ATP6V0A1: variants seen among roughly 807,000 people sequenced by gnomAD.
ATP6V0A1 encodes the protein ATPase H+ transporting V0 subunit a1, also known as V-type proton ATPase 116 kDa subunit a 1.
ATP6V0A1 carries 43 observed loss-of-function variants against 105.4 expected under a neutral mutation model. The ratio of observed to expected loss-of-function variants is 0.41; its 90% confidence interval spans 0.32 to 0.53. ATP6V0A1 has a LOEUF of 0.53. Among genes scored for constraint, ATP6V0A1 ranks in the 20% least tolerant of loss-of-function variants. The probability of loss-of-function intolerance (pLI) is 0.30; values close to 1 mark genes in which losing one functional copy is unlikely to be tolerated. For missense variants in ATP6V0A1, 676 were observed against 1,051.1 expected (o/e 0.64, Z 4.93); for synonymous variants, 362 against 372.8 (o/e 0.97, Z 0.33).
intron 5 of ATP6V0A1, 100 bp from the exon 6 acceptor site, chr17:42,477,560 C>T: frequency 1.6e-6 from 2 of 1,213,312 alleles, no homozygotes; most frequent in Non-Finnish European, 2.3e-6. Context: ...TCCTTATTTT[C>T]TGAACCTGTC....
At chr17:42,502,496 GCACACA>G (rs368754662) in intron 17 of ATP6V0A1, among the ~76,000 whole-genome samples, 1 of 150,218 alleles carries the variant, frequency 6.7e-6, no homozygotes, top group African/African-American at 2.4e-5. Context: ...TTCTGCGCGC[GCACACA>G]CACACACACA....
At chr17:42,506,776 C>T (rs1026900294) in intron 17 of ATP6V0A1, among the ~76,000 whole-genome samples, 4 of 152,118 alleles carry the variant, frequency 2.6e-5, no homozygotes, top group African/African-American at 9.7e-5. Context: ...ACTTTAAAAT[C>T]TACTTTTGGA....
intron 11 of ATP6V0A1, among the ~76,000 whole-genome samples, chr17:42,493,802 A>T (rs968454819): frequency 5.3e-5 from 8 of 152,148 alleles, no homozygotes; most frequent in Non-Finnish European, 1.0e-4. Context: ...TGGCAGAGAA[A>T]GACCCCATCT....
chr17:42,501,488 C>G (rs1207816138), intron 17 of ATP6V0A1, among the ~76,000 whole-genome samples, 184 bp downstream of exon 17: 1 of 152,038 alleles, frequency 6.6e-6, no homozygotes, highest in Admixed American at 6.5e-5. Flanking sequence ...GATCTTGGCT[C>G]ACTGCAACCT....
At chr17:42,519,487 T>A in intron 21 of ATP6V0A1, 1 of 152,360 alleles carries the variant, frequency 6.6e-6, no homozygotes. Context: ...TAAATCTCGT[T>A]TCAGCTGTTC....
chr17:42,469,421 C>G (rs1341341906), intron 4 of ATP6V0A1, among the ~76,000 whole-genome samples: 1 of 151,162 alleles, frequency 6.6e-6, no homozygotes, highest in Non-Finnish European at 1.5e-5. Context: ...ACCTCCGCCT[C>G]CCGGGTTCAA....
Position 42,507,616 on chromosome 17 carries a change from G to A in ATP6V0A1, c.2101G>A (p.Asp701Asn). ...QHDQLSTHSE[D>N]ADEPSEDEVF... ...TGACCAGCTCTCCACCCACTCAGAGGACGCAGACGAGGTAAGATCCCGTGG... is the reference window on the plus strand; with the variant it reads ...TGACCAGCTCTCCACCCACTCAGAGAACGCAGACGAGGTAAGATCCCGTGG... The change falls in exon 18 of 22, where the codon GAC becomes AAC. Residue 701 changes from aspartate (D) to asparagine (N), a missense_variant. By Grantham distance (23) the Asp-to-Asn change is conservative. Coordinates refer to ENST00000343619, the MANE Select transcript of ATP6V0A1 (RefSeq NM_001130021.3). 1 of 1,613,866 alleles carries A rather than the reference G, an allele frequency of 6.2e-7. No individual in the cohort carries two copies. Among genetic ancestry groups the A allele is most frequent in the Non-Finnish European group, 8.5e-7 (1 of 1,179,860 alleles).
intron 5 of ATP6V0A1, among the ~76,000 whole-genome samples, chr17:42,477,144 G>T (rs972930296): frequency 6.6e-5 from 10 of 152,168 alleles, no homozygotes; most frequent in Non-Finnish European, 1.2e-4. Context: ...TTCTTCCTTG[G>T]AAAGAGAGCC....
chr17:42,507,236 G>A (rs917919314), intron 17 of ATP6V0A1: 2 of 315,206 alleles, frequency 6.3e-6, no homozygotes, highest in Non-Finnish European at 1.2e-5. Flanking sequence ...CTCAATTAGT[G>A]TTGACCCAGG....
intron 13 of ATP6V0A1, 47 bp from the exon 14 acceptor site, chr17:42,495,579 T>G (rs1308301432): frequency 6.8e-7 from 1 of 1,463,778 alleles, no homozygotes; most frequent in South Asian, 1.1e-5. Flanking sequence ...CCTTGTTGTT[T>G]CCCTCTCTTG....
chr17:42,514,157 T>C (rs1361863934), intron 20 of ATP6V0A1, 132 bp from the exon 21 acceptor site: 2 of 1,323,920 alleles, frequency 1.5e-6, no homozygotes, highest in Admixed American at 2.1e-5. Context: ...TAGCTCTGCA[T>C]GGTGGTCCCA....
At chr17:42,491,035 A>T (rs2090573976) in intron 11 of ATP6V0A1, among the ~76,000 whole-genome samples, 1 of 150,702 alleles carries the variant, frequency 6.6e-6, no homozygotes, top group Admixed American at 6.6e-5. Context: ...AATTTTTAAA[A>T]TTTTTTTAGA....
chr17:42,513,693 G>A (rs1303790858), intron 19 of ATP6V0A1, 168 bp from the exon 20 acceptor site: 2 of 660,746 alleles, frequency 3.0e-6, no homozygotes, highest in Middle Eastern at 3.8e-4. Flanking sequence ...ATCACCACCT[G>A]AGCTCAACAC....
chr17:42,519,110 A>C (rs1567878546), intron 21 of ATP6V0A1: 1 of 152,354 alleles, frequency 6.6e-6, no homozygotes, highest in Admixed American at 6.5e-5. Context: ...AGTATTGGGC[A>C]GTATGTCAGG....
At position 42,494,390 on chromosome 17, in the gene ATP6V0A1, G is replaced by A. The variant is rs1189944326; in HGVS notation, c.1231G>A (p.Gly411Ser). The change falls in exon 12 of 22, where the codon GGT becomes AGT. Residue 411 changes from glycine to serine, a missense_variant. Gly to Ser is a moderately conservative substitution (Grantham distance 56). Around this residue, in one of 3 missense-constraint regions of ATP6V0A1, gnomAD observed 435 missense variants for 642.2 expected, o/e 0.68. Coordinates refer to ENST00000343619, the MANE Select transcript of ATP6V0A1 (RefSeq NM_001130021.3). ...FLFAVMFGDF[G>S]HGILMTLFAV... ...ATTTGCTGTGATGTTTGGAGACTTC[G>A]GTCATGGCATTTTAATGACCCTTTT... The A allele has an allele frequency of 3.1e-6, 5 of 1,613,374 alleles. No individual in the cohort carries two copies. Among genetic ancestry groups the A allele is most frequent in the East Asian group, 2.2e-5 (1 of 44,886 alleles).
At chr17:42,508,711 C>T in intron 19 of ATP6V0A1, 122 bp downstream of exon 19, 2 of 1,352,862 alleles carry the variant, frequency 1.5e-6, no homozygotes, top group Admixed American at 1.8e-5. Flanking sequence ...GCCTCTGCAT[C>T]TCACTGGCCA....
At chr17:42,465,274 G>A (rs1013729909) in intron 2 of ATP6V0A1, among the ~76,000 whole-genome samples, 6 of 151,050 alleles carry the variant, frequency 4.0e-5, no homozygotes, top group South Asian at 2.1e-4. Context: ...GATTATAGGC[G>A]TGAGCCACCG....
chr17:42,484,164 TCTC>T (rs2089862249), intron 9 of ATP6V0A1, among the ~76,000 whole-genome samples: 1 of 151,832 alleles, frequency 6.6e-6, no homozygotes, highest in Non-Finnish European at 1.5e-5. Flanking sequence ...TTCACGCCAT[TCTC>T]CTGCCTCAGC....
Position 42,468,090 on chromosome 17 carries a change from G to C in ATP6V0A1, c.277G>C (p.Asp93His). The C allele has an allele frequency of 6.3e-7, 1 of 1,595,160 alleles. No individual in the cohort carries two copies. The change falls in exon 4 of 22, where the codon GAC becomes CAC. Residue 93 changes from aspartate to histidine, a missense_variant. Transcript: ENST00000343619. ...AAACCCAGAGGTTCCCTTCCCCCGG[G>C]ACATGATTGACTTAGAGGTAAACAC... The part of the protein sequence containing the change: ...GENPEVPFPR[D>H]MIDLEANFEK...
Sources: allele counts gnomAD v4.1 joint callset (sites outside exome capture counted in the v4.1 genomes callset), GRCh38; gene constraint gnomAD v4.1.1; regional missense constraint gnomAD v4.1.1; transcripts MANE v1.5; gene names NCBI Gene and HGNC (gene_info 2026-07-23, HGNC 2026-07-21).